HHIPL2: variants seen among roughly 807,000 people sequenced by gnomAD.
The protein encoded by HHIPL2 is HHIP like 2.
A neutral mutation model predicts 61.0 loss-of-function variants in HHIPL2; 61 were observed. The ratio of observed to expected loss-of-function variants is 1.00; its 90% confidence interval spans 0.81 to 1.24. The LOEUF is 1.24. Among genes scored for constraint, HHIPL2 ranks in the 50% most tolerant of loss-of-function variants. The pLI is 0.00. For missense variants in HHIPL2, 885 were observed against 910.2 expected, an observed-to-expected ratio of 0.97 and a Z score of 0.36; for synonymous variants, 343 against 357.4, an observed-to-expected ratio of 0.96 and a Z score of 0.45.
Position 222,543,890 on chromosome 1 carries a change from G to A in HHIPL2, c.621C>T (p.Leu207=), listed in dbSNP as rs1162171897. 1 of 1,614,212 alleles carries A rather than the reference G, an allele frequency of 6.2e-7. No individual in the cohort carries two copies. Among genetic ancestry groups the A allele is most frequent in the Non-Finnish European group, 8.5e-7 (1 of 1,180,040 alleles). The change falls in exon 2 of 9, where the codon CTC becomes CTT. Residue 207 remains leucine, a synonymous_variant. Coordinates refer to ENST00000343410, the MANE Select transcript of HHIPL2 (RefSeq NM_024746.4). ...VAQDPQGCLQ[L]CLSEVANGLR... Reference sequence around the variant, plus strand: ...GCCCGTTGGCCACCTCGCTCAGGCAGAGCTGCAGGCAGCCCTGAGGATCTT... The same window carrying A: ...GCCCGTTGGCCACCTCGCTCAGGCAAAGCTGCAGGCAGCCCTGAGGATCTT...
At chr1:222,524,178 G>T in intron 7 of HHIPL2, 1 of 162,116 alleles carries the variant, frequency 6.2e-6, no homozygotes, top group Non-Finnish European at 1.3e-5. Flanking sequence ...AGAACTCAAG[G>T]CACAGCCCTC....
At chr1:222,523,329 AAAGT>A (rs913801634) in intron 8 of HHIPL2, among the ~76,000 whole-genome samples, 3 of 152,328 alleles carry the variant, frequency 2.0e-5, no homozygotes, top group East Asian at 1.9e-4. Context: ...TTCCTGCCAC[AAAGT>A]AAGTATGAAA....
chr1:222,532,136 T>C, intron 5 of HHIPL2, 25 bp from the exon 6 acceptor site: 1 of 1,600,754 alleles, frequency 6.2e-7, no homozygotes, highest in Non-Finnish European at 8.5e-7. Context: ...AACCCTTATG[T>C]TTAGGAATCC....
At position 222,522,759 on chromosome 1, in the gene HHIPL2, TAGG is replaced by T. The variant is rs767495578; in HGVS notation, c.2014_2016del (p.Pro672del). On this transcript the variant is annotated inframe_deletion, in exon 9 of 9. Coordinates refer to ENST00000343410, the MANE Select transcript of HHIPL2 (RefSeq NM_024746.4). Reference sequence around the variant, plus strand: ...CCTCGCAATGTATTCTTGCTGCTTGTAGGAGAAGCCAGCTTCTTGGAGGAGCCT... The same window carrying T: ...CCTCGCAATGTATTCTTGCTGCTTGTAGAAGCCAGCTTCTTGGAGGAGCCT... 1.9e-6 allele frequency: 3 copies of T among 1,614,128 alleles called. No homozygotes were observed. In the South Asian group the frequency reaches 3.3e-5, roughly 18 times the overall value.
chr1:222,526,409 A>T lies in HHIPL2; in HGVS notation c.1805+560T>A, dbSNP rs868665391. Among the ~76,000 whole-genome samples, 945 of 128,832 alleles carry T rather than the reference A, an allele frequency of 7.3e-3. 8 individuals are homozygous for T. Among genetic ancestry groups the T allele is most frequent in the African/African-American group, 0.03 (894 of 29,734 alleles). The allele number at this position is 128,832 out of a possible 152,430, so 84.5% of individuals were successfully genotyped here. On this transcript the variant is annotated intron_variant, in intron 7 of 8. Coordinates refer to ENST00000343410, the MANE Select transcript of HHIPL2 (RefSeq NM_024746.4). ...AGACAGACATTTCCAGAAGCATATT[A>T]AAAAAAAAAAAAAAGGCTGGGCATG...
intron 6 of HHIPL2, among the ~76,000 whole-genome samples, chr1:222,531,017 A>C (rs546298108): frequency 6.6e-6 from 1 of 152,324 alleles, no homozygotes; most frequent in South Asian, 2.1e-4. Flanking sequence ...TTCTGATGAT[A>C]AAATGTTTGG....
At chr1:222,525,605 G>T (rs1433772298) in intron 7 of HHIPL2, among the ~76,000 whole-genome samples, 1 of 152,196 alleles carries the variant, frequency 6.6e-6, no homozygotes, top group Non-Finnish European at 1.5e-5. Flanking sequence ...CCAGATATGG[G>T]TAACATAAGC....
At chr1:222,543,503 A>C (rs994976109) in intron 2 of HHIPL2, 34 bp downstream of exon 2, 6 of 1,572,896 alleles carry the variant, frequency 3.8e-6, no homozygotes, top group South Asian at 1.2e-5. Flanking sequence ...TTCGGAACAC[A>C]GTACAGCTGT....
At chr1:222,543,433 G>A in intron 2 of HHIPL2, 104 bp downstream of exon 2, 1 of 1,139,796 alleles carries the variant, frequency 8.8e-7, no homozygotes, top group Non-Finnish European at 1.3e-6. Context: ...AACAGTTCGA[G>A]TAGTGCTCTA....
intron 5 of HHIPL2, among the ~76,000 whole-genome samples, chr1:222,532,689 T>A (rs999035757): frequency 1.3e-5 from 2 of 152,114 alleles, no homozygotes; most frequent in Non-Finnish European, 2.9e-5. Flanking sequence ...TTTCATTAGT[T>A]GTGTGACCTT....
Position 222,542,066 on chromosome 1 carries a change from C to A in HHIPL2, c.1064G>T (p.Gly355Val). The A allele has an allele frequency of 1.2e-6, 2 of 1,613,954 alleles. No homozygotes were observed. The highest frequency in any genetic ancestry group is 1.7e-6 in the Non-Finnish European group (2 of 1,179,978). ...GGGATCTCCAGCCTGTCCCCCGTCC[C>A]CAGTGAATATGTACATATAGCCATC... is the stretch of plus-strand genomic sequence containing the variant. ...GLDGYMYIFT[G>V]DGGQAGDPFG... is the part of the protein sequence containing the mutation. The change falls in exon 3 of 9, where the codon GGG becomes GTG. Residue 355 changes from glycine (G) to valine (V), a missense_variant. Gly to Val is a moderately radical substitution (Grantham distance 109). Transcript: ENST00000343410.
intron 7 of HHIPL2, chr1:222,524,011 A>G (rs1659009874): frequency 6.1e-6 from 2 of 325,586 alleles, no homozygotes; most frequent in Non-Finnish European, 1.1e-5. Flanking sequence ...CTCCACATCT[A>G]TCAAATGCAA....
intron 5 of HHIPL2, among the ~76,000 whole-genome samples, chr1:222,536,467 T>C (rs1489917950): frequency 6.6e-6 from 1 of 152,154 alleles, no homozygotes; most frequent in Non-Finnish European, 1.5e-5. Flanking sequence ...AGCTGAGTAA[T>C]TAAATCTAAT....
Position 222,531,958 on chromosome 1 carries a change from T to A in HHIPL2, c.1723+8A>T. ...AGCAGAAATCAAACAACTCTGTACA[T>A]TTGTTACCTGCTTCATCTTCAGCAA... On this transcript the variant is annotated splice_region_variant and intron_variant, in intron 6 of 8. Transcript: ENST00000343410. The A allele has an allele frequency of 6.2e-7, 1 of 1,600,020 alleles. No individual in the cohort carries two copies. The highest frequency in any genetic ancestry group is 2.2e-5 in the East Asian group (1 of 44,564).
chr1:222,530,595 G>C (rs1050195927), intron 6 of HHIPL2, among the ~76,000 whole-genome samples: 1 of 152,134 alleles, frequency 6.6e-6, no homozygotes, highest in Non-Finnish European at 1.5e-5. Context: ...GAAAGGGTCC[G>C]GGAGCTGACT....
At chr1:222,523,513 T>C in intron 8 of HHIPL2, 99 bp downstream of exon 8, 1 of 1,064,618 alleles carries the variant, frequency 9.4e-7, no homozygotes, top group Non-Finnish European at 1.5e-6. Context: ...CCTCAGGGGG[T>C]AACTAAGACT....
intron 6 of HHIPL2, among the ~76,000 whole-genome samples, chr1:222,530,397 T>C (rs1659162420): frequency 6.6e-6 from 1 of 152,196 alleles, no homozygotes; most frequent in Non-Finnish European, 1.5e-5. Flanking sequence ...TTCACGTCAC[T>C]CACTTTCCAC....
chr1:222,525,770 A>G (rs1659049944), intron 7 of HHIPL2, among the ~76,000 whole-genome samples: 1 of 152,120 alleles, frequency 6.6e-6, no homozygotes, highest in Non-Finnish European at 1.5e-5. Flanking sequence ...AGGTTGAGGC[A>G]GGTGGATCGC....
chr1:222,540,575 G>T (rs1659411932), intron 3 of HHIPL2, among the ~76,000 whole-genome samples: 1 of 152,206 alleles, frequency 6.6e-6, no homozygotes, highest in East Asian at 1.9e-4. Flanking sequence ...GGCTCTAAGA[G>T]AACTACGAGG....
Sources: allele counts gnomAD v4.1 joint callset (sites outside exome capture counted in the v4.1 genomes callset), GRCh38; gene constraint gnomAD v4.1.1; transcripts MANE v1.5; gene names NCBI Gene and HGNC (gene_info 2026-07-23, HGNC 2026-07-21).